The following ADCK1 variants were observed in gnomAD, a reference collection of about 807,000 sequenced individuals.
The protein encoded by ADCK1 is aarF domain containing kinase 1, also known as aarF domain-containing protein kinase 1.
In ADCK1, 41 loss-of-function variants were observed where a neutral mutation model predicts 52.3. The observed-to-expected ratio is 0.78, with a 90% CI of 0.61 to 1.02. ADCK1 has a LOEUF of 1.02. ADCK1 is among the 50% of genes least tolerant of loss of function. The pLI is 0.00. For missense variants in ADCK1, 658 were observed against 679.5 expected (o/e 0.97, Z 0.35); for synonymous variants, 250 against 274.6 (o/e 0.91, Z 0.89).
chr14:77,873,099 G>A (rs900874567), intron 4 of ADCK1, among the ~76,000 whole-genome samples: 1 of 152,128 alleles, frequency 6.6e-6, no homozygotes, highest in Non-Finnish European at 1.5e-5. Flanking sequence ...CGTCGCCTGA[G>A]CAGTGTACAC....
intron 1 of ADCK1, among the ~76,000 whole-genome samples, chr14:77,818,705 G>T (rs2081516607): frequency 6.6e-6 from 1 of 152,162 alleles, no homozygotes; most frequent in Non-Finnish European, 1.5e-5. Context: ...CTAGAACAGT[G>T]CCTGGCACTG....
intron 3 of ADCK1, among the ~76,000 whole-genome samples, chr14:77,840,579 G>A (rs1387692020): frequency 6.6e-6 from 1 of 152,148 alleles, no homozygotes; most frequent in Non-Finnish European, 1.5e-5. Context: ...CGTGTGTGGT[G>A]GCTCACGCCT....
At chr14:77,826,133 C>T (rs560439028) in intron 3 of ADCK1, among the ~76,000 whole-genome samples, 5 of 152,296 alleles carry the variant, frequency 3.3e-5, no homozygotes, top group East Asian at 3.9e-4. Flanking sequence ...GAGAACAGCA[C>T]GTGGCGGCTG....
chr14:77,914,332 C>T lies in ADCK1; in HGVS notation c.858+6413C>T, dbSNP rs766937444. 2.6e-5 allele frequency: 22 copies of T among 844,260 alleles called. No homozygotes were observed. In the South Asian group the frequency reaches 5.4e-4, roughly 21 times the overall value. 52.3% of individuals were successfully genotyped at this position (844,260 alleles called of 1,614,324 possible). A position where few individuals can be genotyped will look rare whatever the true frequency, so the allele number is the denominator to read the frequency against. ...CTTTTAGAGTCACTTTAGTGGGGTT[C>T]GTGAAGGAGTAGAGTCCGTGGCCTG... On this transcript the variant is annotated intron_variant, in intron 7 of 10. Coordinates refer to ENST00000238561, the MANE Select transcript of ADCK1 (RefSeq NM_020421.4).
rs375180339 is a variant in ADCK1 at position 77,885,446 on chromosome 14, G to A, written c.424-1645G>A. ...GTAGGCCTTTCCTCATGTGGCCTGG[G>A]CCTTTCATCTGGGCAGGTTGTTGAT... On this transcript the variant is annotated intron_variant, in intron 4 of 10. Coordinates refer to ENST00000238561, the MANE Select transcript of ADCK1 (RefSeq NM_020421.4). Among the ~76,000 whole-genome samples, 164 of 152,326 alleles carry A rather than the reference G, an allele frequency of 1.1e-3. 2 individuals carry two copies. The highest frequency in any genetic ancestry group is 3.4e-3 in the Middle Eastern group (1 of 294).
chr14:77,921,592 A>AC (rs2140287716), intron 7 of ADCK1, among the ~76,000 whole-genome samples: 1 of 151,836 alleles, frequency 6.6e-6, no homozygotes, highest in East Asian at 1.9e-4. Context: ...ATTGGCAGGG[A>AC]CTCCCCCTCC....
chr14:77,875,448 T>C (rs1217276292), intron 4 of ADCK1, among the ~76,000 whole-genome samples: 3 of 151,834 alleles, frequency 2.0e-5, no homozygotes, highest in Admixed American at 6.6e-5. Flanking sequence ...GGGTTCAGCA[T>C]TGAGAGGCTG....
intron 4 of ADCK1, among the ~76,000 whole-genome samples, chr14:77,886,851 G>A (rs1274498216): frequency 6.6e-6 from 1 of 152,052 alleles, no homozygotes; most frequent in Non-Finnish European, 1.5e-5. Flanking sequence ...AGGCTGCAGT[G>A]AGCCAAGATC....
At chr14:77,818,493 G>T (rs927067739) in intron 1 of ADCK1, among the ~76,000 whole-genome samples, 25 of 152,100 alleles carry the variant, frequency 1.6e-4, no homozygotes, top group African/African-American at 5.6e-4. Flanking sequence ...TGTTGCCCAG[G>T]CTGGTCTGGA....
chr14:77,876,935 C>A (rs746244696), intron 4 of ADCK1, among the ~76,000 whole-genome samples: 4 of 152,220 alleles, frequency 2.6e-5, no homozygotes, highest in Non-Finnish European at 5.9e-5. Context: ...AGCTTTGGGG[C>A]TGGGTGCAGT....
At chr14:77,800,900 T>A (rs116892128) in intron 1 of ADCK1, among the ~76,000 whole-genome samples, 327 of 152,308 alleles carry the variant, frequency 2.1e-3, no homozygotes, top group Non-Finnish European at 3.7e-3. Flanking sequence ...TTGAAGTGAA[T>A]TAGACTTTAT....
chr14:77,824,633 C>T (rs992797968), intron 3 of ADCK1, among the ~76,000 whole-genome samples: 1 of 151,928 alleles, frequency 6.6e-6, no homozygotes, highest in African/African-American at 2.4e-5. Flanking sequence ...TGGGTTTCAT[C>T]GTGTTGGCCA....
At chr14:77,833,021 A>T (rs953429374) in intron 3 of ADCK1, among the ~76,000 whole-genome samples, 1 of 152,110 alleles carries the variant, frequency 6.6e-6, no homozygotes, top group Non-Finnish European at 1.5e-5. Flanking sequence ...GGGAAGTAAG[A>T]CTCAACCTCT....
chr14:77,814,554 G>T (rs1045822358), intron 1 of ADCK1, among the ~76,000 whole-genome samples: 1 of 151,674 alleles, frequency 6.6e-6, no homozygotes, highest in Non-Finnish European at 1.5e-5. Context: ...TGAGCAAATG[G>T]CGAAACCCCA....
At chr14:77,839,155 G>A (rs1406845512) in intron 3 of ADCK1, among the ~76,000 whole-genome samples, 2 of 152,194 alleles carry the variant, frequency 1.3e-5, no homozygotes, top group Admixed American at 6.5e-5. Flanking sequence ...AGGGGCTGAG[G>A]GAGAGTCTGG....
At chr14:77,909,128 T>C (rs1265507902) in intron 7 of ADCK1, among the ~76,000 whole-genome samples, 1 of 54,700 alleles carries the variant, frequency 1.8e-5, no homozygotes, top group Non-Finnish European at 3.9e-5. Context: ...AGGTAAATGC[T>C]TTTTTTTTTT....
In ADCK1 at chr14:77,934,430, G is replaced by A. The variant is rs2084409267; in HGVS notation, c.*1039G>A. 1.3e-5 allele frequency: 2 copies of A among 152,006 alleles called. No homozygotes were observed. The highest frequency in any genetic ancestry group is 6.6e-5 in the Admixed American group (1 of 15,252). 9.4% of individuals were successfully genotyped at this position (152,006 alleles called of 1,614,324 possible). A position where few individuals can be genotyped will look rare whatever the true frequency, so the allele number is the denominator to read the frequency against. ...TACTGTTTCCTGACTTATCCCTTTG[G>A]TTCTCATTCAGTGGCCCCAGTTTTA... On this transcript the variant is annotated 3_prime_UTR_variant, in exon 11 of 11. Coordinates refer to ENST00000238561, the MANE Select transcript of ADCK1 (RefSeq NM_020421.4).
chr14:77,907,978 C>T (rs2083706189), intron 7 of ADCK1, 59 bp downstream of exon 7: 1 of 1,457,750 alleles, frequency 6.9e-7, no homozygotes, highest in Non-Finnish European at 9.6e-7. Context: ...CAAGGCTGCC[C>T]AGGAAGTGCC....
Position 77,812,688 on chromosome 14 carries a change from C to T in ADCK1, c.-11-6280C>T, listed in dbSNP as rs542080859. Among the ~76,000 whole-genome samples the T allele has an allele frequency of 2.6e-5, 4 of 152,086 alleles. No homozygotes were observed. The South Asian group carries it at 8.3e-4, about 32-fold the overall frequency. ...CACTGCAACTTCTGCCTCCTGGGTTCAAGCAATTCTCGTGCTTTAGCCACC... is the reference window on the plus strand; with the variant it reads ...CACTGCAACTTCTGCCTCCTGGGTTTAAGCAATTCTCGTGCTTTAGCCACC... On this transcript the variant is annotated intron_variant, in intron 1 of 10. Coordinates refer to ENST00000238561, the MANE Select transcript of ADCK1 (RefSeq NM_020421.4).
Sources: gnomAD v4.1 joint callset for allele counts (sites outside exome capture counted in the v4.1 genomes callset) on GRCh38, gnomAD v4.1.1 for gene constraint, MANE v1.5 for transcripts, NCBI Gene and HGNC (gene_info 2026-07-23, HGNC 2026-07-21) for gene names.